CFAP92: variants seen among roughly 807,000 people sequenced by gnomAD.
The protein encoded by CFAP92 is cilia and flagella associated protein 92 (putative), also known as uncharacterized protein CFAP92.
CFAP92 carries 86 observed loss-of-function variants against 106.3 expected under a neutral mutation model. The observed-to-expected ratio is 0.81, with a 90% CI of 0.68 to 0.97. CFAP92 has a LOEUF of 0.97. CFAP92 is among the 50% of genes least tolerant of loss of function. CFAP92 has a pLI of 0.00. For missense variants in CFAP92, 1,204 were observed against 1,283.8 expected, an observed-to-expected ratio of 0.94 and a Z score of 0.95; for synonymous variants, 477 against 506.4, an observed-to-expected ratio of 0.94 and a Z score of 0.78.
At position 128,968,665 on chromosome 3, in the gene CFAP92, A is replaced by G. The variant is rs1412749629; in HGVS notation, c.1168+2622T>C. ...CTCTGAGGTAGGAGTAATCACCCCCATTTCACAGAGGAGGAAAGTGAGACT... is the reference window on the plus strand; with the variant it reads ...CTCTGAGGTAGGAGTAATCACCCCCGTTTCACAGAGGAGGAAAGTGAGACT... On this transcript the variant is annotated intron_variant, in intron 8 of 15. Coordinates refer to ENST00000645291, the MANE Select transcript of CFAP92 (RefSeq NM_001394090.1). 5 of 152,224 alleles carry G rather than the reference A, an allele frequency of 3.3e-5. No individual in the cohort carries two copies. In the East Asian group the frequency reaches 9.6e-4, roughly 29 times the overall value. The allele number at this position is 152,224 out of a possible 1,614,324, so 9.4% of individuals were successfully genotyped here.
the CFAP92 span, among the ~76,000 whole-genome samples, chr3:129,025,410 A>G: frequency 9.9e-5 from 15 of 152,280 alleles, no homozygotes; most frequent in African/African-American, 3.1e-4. Flanking sequence ...CTGATGTCCA[A>G]TCCTTTCTCT....
At chr3:128,964,355 C>T (rs1008824000) in intron 9 of CFAP92, among the ~76,000 whole-genome samples, 2 of 152,208 alleles carry the variant, frequency 1.3e-5, no homozygotes, top group Admixed American at 6.5e-5. Flanking sequence ...TCTCATTTGA[C>T]ACCAGACCAA....
At chr3:128,978,442 T>C (rs1045695525) in intron 4 of CFAP92, 11 of 295,648 alleles carry the variant, frequency 3.7e-5, no homozygotes, top group African/African-American at 2.2e-4. Context: ...AAATACCTTA[T>C]TGGGGCCAGA....
At chr3:128,933,032 C>G in intron 11 of CFAP92, 35 bp from the exon 12 acceptor site, 1 of 1,530,148 alleles carries the variant, frequency 6.5e-7, no homozygotes, top group Non-Finnish European at 8.8e-7. Flanking sequence ...CTGAACCTCT[C>G]CTACCTTGCA....
At chr3:128,940,619 C>G (rs140841012) in intron 10 of CFAP92, among the ~76,000 whole-genome samples, 41 of 152,234 alleles carry the variant, frequency 2.7e-4, no homozygotes, top group African/African-American at 9.9e-4. Context: ...TTTGCAATAT[C>G]ACATATGTCA....
intron 10 of CFAP92, among the ~76,000 whole-genome samples, chr3:128,937,332 A>AAAAAAC (rs796582752): frequency 3.1e-4 from 45 of 143,578 alleles, no homozygotes; most frequent in African/African-American, 1.0e-3. Context: ...AAAAAAAAAA[A>AAAAAAC]CCACGCGTAG....
chr3:128,920,229 C>A (rs62265272), intron 12 of CFAP92, among the ~76,000 whole-genome samples: 4,361 of 152,132 alleles, frequency 0.029, 106 homozygotes, highest in South Asian at 0.11. Context: ...CATGGTGAAA[C>A]CCTGTTTCTA....
intron 10 of CFAP92, among the ~76,000 whole-genome samples, chr3:128,943,913 T>A (rs977517384): frequency 8.0e-5 from 7 of 87,012 alleles, no homozygotes; most frequent in African/African-American, 7.3e-4. Context: ...TTTGGGTTAT[T>A]TCCCCCGTTT....
At chr3:128,998,784 T>C (rs1944576479), upstream of CFAP92, among the ~76,000 whole-genome samples, 1 of 152,204 alleles carries the variant, frequency 6.6e-6, no homozygotes. Flanking sequence ...GCTCAGTTCC[T>C]GTGCAAAGAA....
intron 12 of CFAP92, among the ~76,000 whole-genome samples, chr3:128,922,336 C>T (rs750785444): frequency 1.3e-5 from 2 of 149,414 alleles, no homozygotes; most frequent in Non-Finnish European, 3.0e-5. Context: ...GAGCAAGGCT[C>T]CATCTCAAAA....
chr3:128,989,170 G>C (rs551893123), intron 2 of CFAP92, among the ~76,000 whole-genome samples: 4 of 152,154 alleles, frequency 2.6e-5, no homozygotes, highest in African/African-American at 9.6e-5. Flanking sequence ...GTGTTGGTTA[G>C]TAGGCCTAGG....
intron 9 of CFAP92, among the ~76,000 whole-genome samples, chr3:128,959,657 G>T (rs1166685606): frequency 5.3e-5 from 8 of 152,260 alleles, no homozygotes; most frequent in Non-Finnish European, 1.2e-4. Flanking sequence ...GCCACAGGAA[G>T]AGGGAAGCCT....
intron 4 of CFAP92, among the ~76,000 whole-genome samples, chr3:128,980,955 T>C (rs943672406): frequency 2.6e-5 from 4 of 152,170 alleles, no homozygotes; most frequent in African/African-American, 9.7e-5. Flanking sequence ...CCTGTTAATG[T>C]TGATGTTTTT....
chr3:128,914,036 C>T (rs531353274), intron 15 of CFAP92, among the ~76,000 whole-genome samples: 61 of 152,280 alleles, frequency 4.0e-4, no homozygotes, highest in African/African-American at 1.4e-3. Context: ...GTTGAAAAGG[C>T]CTAGCGACCA....
intron 9 of CFAP92, among the ~76,000 whole-genome samples, chr3:128,961,574 T>C (rs1032299393): frequency 2.0e-5 from 3 of 152,206 alleles, no homozygotes; most frequent in Admixed American, 6.5e-5. Context: ...GCTGAAGGCA[T>C]AGTCAAGGTT....
chr3:128,998,040 C>T (rs1944546168), upstream of CFAP92, among the ~76,000 whole-genome samples: 2 of 152,130 alleles, frequency 1.3e-5, no homozygotes, highest in African/African-American at 4.8e-5. Context: ...ATGTGCATTT[C>T]CCTAACAAGA....
the CFAP92 span, among the ~76,000 whole-genome samples, chr3:129,013,029 G>A: frequency 1.3e-5 from 2 of 152,334 alleles, no homozygotes; most frequent in South Asian, 4.1e-4. Context: ...ATTGGAAGAA[G>A]AGGCCAGTTC....
At chr3:128,962,869 A>G (rs990987358) in intron 9 of CFAP92, among the ~76,000 whole-genome samples, 2 of 152,208 alleles carry the variant, frequency 1.3e-5, no homozygotes, top group Non-Finnish European at 2.9e-5. Context: ...TGTTTTGCCT[A>G]TCCACCCCGT....
At chr3:129,009,679 A>C in the CFAP92 span, among the ~76,000 whole-genome samples, 1,334 of 152,312 alleles carry the variant, frequency 8.8e-3, 21 homozygotes, top group African/African-American at 0.03. Flanking sequence ...TTCAAGGAAC[A>C]CACCCCTTTG....
Sources: gnomAD v4.1 joint callset for allele counts (sites outside exome capture counted in the v4.1 genomes callset) on GRCh38, gnomAD v4.1.1 for gene constraint, MANE v1.5 for transcripts, NCBI Gene and HGNC (gene_info 2026-07-23, HGNC 2026-07-21) for gene names.